The following COL4A4 variants were observed in gnomAD, a reference collection of about 807,000 sequenced individuals.
COL4A4 encodes collagen alpha-4(IV) chain.
Under a neutral mutation model 192.9 loss-of-function variants are expected in COL4A4, and 105 were observed. That is an observed-to-expected ratio of 0.54 (90% confidence interval 0.46 to 0.64). The LOEUF (loss-of-function observed/expected upper bound fraction) is 0.64, where lower values mean the gene tolerates loss of function less well. COL4A4 is among the 30% of genes least tolerant of loss of function. The pLI, the probability that COL4A4 is intolerant of heterozygous loss-of-function variation, is 0.00. For missense variants in COL4A4, 1,967 were observed against 2,169.3 expected (o/e 0.91, Z 1.85); for synonymous variants, 762 against 769.9 (o/e 0.99, Z 0.17).
chr2:227,012,330 G>C (rs367586809), intron 44 of COL4A4, 33 bp from the exon 45 acceptor site: 670 of 1,538,160 alleles, frequency 4.4e-4, no homozygotes, highest in Middle Eastern at 1.0e-3. Flanking sequence ...GGTGGTGAAA[G>C]CAACCATGAC....
chr2:227,143,020 G>A (rs73993697), intron 3 of COL4A4, among the ~76,000 whole-genome samples: 25 of 150,832 alleles, frequency 1.7e-4, no homozygotes, highest in African/African-American at 4.1e-4. Flanking sequence ...ACACACACAC[G>A]CACACACAGA....
intron 30 of COL4A4, among the ~76,000 whole-genome samples, chr2:227,055,289 G>A (rs1286033288): frequency 6.6e-6 from 1 of 151,864 alleles, no homozygotes; most frequent in African/African-American, 2.4e-5. Flanking sequence ...CAAGGCAGGA[G>A]GATCTTTGAG....
chr2:227,143,091 GACTTGTTTTATTTTTATCCA>G, intron 3 of COL4A4, among the ~76,000 whole-genome samples: 1 of 152,218 alleles, frequency 6.6e-6, no homozygotes, highest in Non-Finnish European at 1.5e-5. Context: ...TGGTGATTTG[GACTTGTTTTATTTTTATCCA>G]AATGGTGGAT....
At chr2:227,155,770 A>C (rs544888056) in intron 1 of COL4A4, among the ~76,000 whole-genome samples, 15 of 151,996 alleles carry the variant, frequency 9.9e-5, no homozygotes, top group Admixed American at 9.8e-4. Context: ...CTCCATTGCT[A>C]TCTCTGTGCT....
the COL4A4 span, among the ~76,000 whole-genome samples, chr2:226,972,277 C>T: frequency 6.6e-6 from 1 of 152,116 alleles, no homozygotes; most frequent in Non-Finnish European, 1.5e-5. Flanking sequence ...TGTATGGCTG[C>T]ATAGTATTCC....
chr2:226,979,449 TC>T, the COL4A4 span, among the ~76,000 whole-genome samples: 2 of 151,888 alleles, frequency 1.3e-5, no homozygotes, highest in Non-Finnish European at 2.9e-5. Flanking sequence ...GCCAGGCTCC[TC>T]CCCCCTGCAA....
chr2:227,013,276 TTC>T (rs991368691), intron 44 of COL4A4, among the ~76,000 whole-genome samples: 9 of 152,228 alleles, frequency 5.9e-5, no homozygotes, highest in Admixed American at 2.6e-4. Context: ...CTTTCTCTCT[TTC>T]TCTCTCTGTC....
intron 4 of COL4A4, among the ~76,000 whole-genome samples, chr2:227,132,445 C>T (rs1250684819): frequency 6.6e-6 from 1 of 152,128 alleles, no homozygotes; most frequent in East Asian, 1.9e-4. Flanking sequence ...GAATGGAAAG[C>T]TATTATTATT....
chr2:227,102,978 C>T, intron 14 of COL4A4, 130 bp from the exon 15 acceptor site: 2 of 1,155,484 alleles, frequency 1.7e-6, no homozygotes, highest in Non-Finnish European at 2.6e-6. Context: ...TTAAAGAAAA[C>T]AACTACTTTA....
chr2:227,089,954 A>G lies in COL4A4; in HGVS notation c.1373T>C (p.Ile458Thr). ...TCCGGGGTTCCCAACACTACAGTATATCACTGTCAAGGAGGTAAGGGGGTG... is the reference window on the plus strand; with the variant it reads ...TCCGGGGTTCCCAACACTACAGTATGTCACTGTCAAGGAGGTAAGGGGGTG... ...GLQGLPGSSVIYCSVGNPGPQ... is the reference protein window; with the variant it reads ...GLQGLPGSSVTYCSVGNPGPQ... The change falls in exon 21 of 48, where the codon ATA becomes ACA. Residue 458 changes from isoleucine (I) to threonine (T), a missense_variant. Ile to Thr is a moderately conservative substitution (Grantham distance 89). Coordinates refer to ENST00000396625, the MANE Select transcript of COL4A4 (RefSeq NM_000092.5). The G allele has an allele frequency of 6.2e-7, 1 of 1,611,706 alleles. No individual in the cohort carries two copies. Among genetic ancestry groups the G allele is most frequent in the Non-Finnish European group, 8.5e-7 (1 of 1,177,960 alleles).
intron 25 of COL4A4, among the ~76,000 whole-genome samples, chr2:227,070,544 A>C (rs1035604225): frequency 6.6e-6 from 1 of 152,172 alleles, no homozygotes. Context: ...CAGCCATAAA[A>C]AACAATGAGT....
intron 9 of COL4A4, among the ~76,000 whole-genome samples, chr2:227,110,857 T>C (rs1052419767): frequency 2.6e-5 from 4 of 151,230 alleles, no homozygotes; most frequent in African/African-American, 9.7e-5. Context: ...TAATTTCGTA[T>C]TTTTAGTAGA....
the COL4A4 span, among the ~76,000 whole-genome samples, chr2:226,985,356 G>A: frequency 6.6e-6 from 1 of 152,178 alleles, no homozygotes; most frequent in Non-Finnish European, 1.5e-5. Flanking sequence ...TGGGTTTCGG[G>A]CCATCTAGAC....
At position 227,007,328 on chromosome 2, in the gene COL4A4, G is replaced by A. The variant is rs762885668; in HGVS notation, c.5070C>T (p.Ser1690=). 1 of 1,614,214 alleles carries A rather than the reference G, an allele frequency of 6.2e-7. No homozygotes were observed. Among genetic ancestry groups the A allele is most frequent in the Non-Finnish European group, 8.5e-7 (1 of 1,180,044 alleles). The change falls in exon 48 of 48, where the codon AGC becomes AGT. Residue 1690 remains serine, a synonymous_variant. Transcript: ENST00000396625. The part of the protein sequence containing the change: ...ISRCQVCVKY[S] ...GTGTTGGTGAATTTCGCATTCTCTA[G>A]CTATACTTCACGCAGACCTGGCACC... is the stretch of plus-strand genomic sequence containing the variant.
chr2:227,040,712 T>C (rs1475377102), intron 37 of COL4A4, among the ~76,000 whole-genome samples: 2 of 151,914 alleles, frequency 1.3e-5, no homozygotes, highest in African/African-American at 2.4e-5. Flanking sequence ...ATTACAGGCA[T>C]GCACCACCAC....
At chr2:226,996,232 C>G in the COL4A4 span, 1 of 152,412 alleles carries the variant, frequency 6.6e-6, no homozygotes, top group African/African-American at 2.4e-5. Context: ...CCAGTGGCAG[C>G]TTGTGTGTCC....
the COL4A4 span, among the ~76,000 whole-genome samples, chr2:226,986,730 T>C: frequency 6.6e-6 from 1 of 152,210 alleles, no homozygotes; most frequent in East Asian, 1.9e-4. Flanking sequence ...ACACTGTTGG[T>C]GGGAGTGTAA....
chr2:227,151,253 ATTC>A (rs990836373), intron 1 of COL4A4, among the ~76,000 whole-genome samples: 25 of 152,294 alleles, frequency 1.6e-4, no homozygotes, highest in African/African-American at 5.3e-4. Context: ...TATGTCTCTA[ATTC>A]TTAAAATTTT....
intron 1 of COL4A4, among the ~76,000 whole-genome samples, chr2:227,160,972 G>T (rs936711902): frequency 1.3e-5 from 2 of 152,174 alleles, no homozygotes; most frequent in Admixed American, 1.3e-4. Flanking sequence ...GAGGGGAGAT[G>T]AAATGAAACA....
Sources: gnomAD v4.1 joint callset for allele counts (sites outside exome capture counted in the v4.1 genomes callset) on GRCh38, gnomAD v4.1.1 for gene constraint, MANE v1.5 for transcripts, NCBI Gene and HGNC (gene_info 2026-07-23, HGNC 2026-07-21) for gene names.